The following TERB1 variants were observed in gnomAD, a reference collection of about 807,000 sequenced individuals.
The protein encoded by TERB1 is telomere repeats-binding bouquet formation protein 1.
Under a neutral mutation model 92.3 loss-of-function variants are expected in TERB1, and 63 were observed. The ratio of observed to expected loss-of-function variants is 0.68; its 90% CI spans 0.56 to 0.84. TERB1 has a LOEUF of 0.84. TERB1 is among the 40% of genes least tolerant of loss of function. The pLI is 0.00. For missense variants in TERB1, 709 were observed against 843.7 expected (o/e 0.84, Z 1.98); for synonymous variants, 252 against 283.9 (o/e 0.89, Z 1.13).
chr16:66,778,778 C>T, intron 10 of TERB1, 85 bp downstream of exon 10: 2 of 1,105,342 alleles, frequency 1.8e-6, no homozygotes, highest in East Asian at 2.8e-5. Flanking sequence ...AACCATGTTA[C>T]TATTCAATCT....
Position 66,772,660 on chromosome 16 carries a change from G to T in TERB1, c.1201C>A (p.Leu401Ile), listed in dbSNP as rs1371095674. The part of the protein sequence containing the change: ...LKDISVKENN[L>I]EEHWRKAKEI... ...TTTGCTTTCCTCCAGTGCTCTTCAAGATTATTCTCCTTCACACTTATGTCC... is the reference window on the plus strand; with the variant it reads ...TTTGCTTTCCTCCAGTGCTCTTCAATATTATTCTCCTTCACACTTATGTCC... Residue 401 changes from leucine to isoleucine, a missense_variant, in exon 13 of 19, where the codon CTT becomes ATT. Leu to Ile is a conservative substitution (Grantham distance 5). Transcript: ENST00000433154. The T allele has an allele frequency of 6.4e-7, 1 of 1,550,786 alleles. No homozygotes were observed. Among genetic ancestry groups the T allele is most frequent in the Admixed American group, 2.0e-5 (1 of 50,950 alleles).
intron 5 of TERB1, among the ~76,000 whole-genome samples, chr16:66,789,060 T>C (rs1372255517): frequency 1.4e-5 from 2 of 147,274 alleles, no homozygotes; most frequent in African/African-American, 2.5e-5. Flanking sequence ...TAAGACTTAC[T>C]ATTTGATAGC....
chr16:66,778,897 C>G lies in TERB1; in HGVS notation c.819G>C (p.Val273=), dbSNP rs1032721059. The G allele has an allele frequency of 3.3e-6, 5 of 1,524,842 alleles. No homozygotes were observed. The Admixed American group carries it at 6.0e-5, about 18-fold the overall frequency. 94.5% of individuals were successfully genotyped at this position (1,524,842 alleles called of 1,614,324 possible). ...CAATGCATGCATCCACAGTCTTCGT[C>G]ACAACCACTGCAAGTTTAGCACTGG... The part of the protein sequence containing the change: ...TLSSAKLAVV[V]TKTVDACIAD... The change falls in exon 10 of 19, where the codon GTG becomes GTC. Residue 273 remains valine (V), a synonymous_variant. Coordinates refer to ENST00000433154, the MANE Select transcript of TERB1 (RefSeq NM_001136505.2).
intron 18 of TERB1, among the ~76,000 whole-genome samples, chr16:66,756,420 C>T (rs2018140158): frequency 2.0e-5 from 3 of 152,198 alleles, no homozygotes; most frequent in African/African-American, 7.2e-5. Flanking sequence ...CAATTTTGAT[C>T]TATTTTATTC....
chr16:66,790,212 G>C (rs1431884574), intron 5 of TERB1, among the ~76,000 whole-genome samples: 2 of 141,168 alleles, frequency 1.4e-5, no homozygotes, highest in African/African-American at 5.2e-5. Flanking sequence ...AGATGAAAGA[G>C]AAAGGAAAAG....
In TERB1 at chr16:66,768,146, C is replaced by T. The variant is rs1016681397; in HGVS notation, c.1642G>A (p.Val548Ile). 1.3e-6 allele frequency: 2 copies of T among 1,550,404 alleles called. No individual in the cohort carries two copies. The highest frequency in any genetic ancestry group is 1.7e-6 in the Non-Finnish European group (2 of 1,146,100). Reference protein sequence around the residue: ...QSSDHVFKHPVHIAKNIKQQL... With the variant: ...QSSDHVFKHPIHIAKNIKQQL... ...TGCTTTATATTTTTGGCAATGTGAA[C>T]TGGGTGTTTAAAAACATGGTCACTA... is the stretch of plus-strand genomic sequence containing the variant. Residue 548 changes from valine (V) to isoleucine (I), a missense_variant, in exon 15 of 19, where the codon GTT (valine) becomes ATT (isoleucine). Coordinates refer to ENST00000433154, the MANE Select transcript of TERB1 (RefSeq NM_001136505.2).
chr16:66,773,353 T>TA (rs1491489180), intron 12 of TERB1, among the ~76,000 whole-genome samples: 2 of 151,456 alleles, frequency 1.3e-5, no homozygotes, highest in African/African-American at 4.9e-5. Context: ...GTAGTTTTTT[T>TA]AAAAAAATAA....
At chr16:66,758,953 T>G in intron 17 of TERB1, 115 bp from the exon 18 acceptor site, 1 of 944,910 alleles carries the variant, frequency 1.1e-6, no homozygotes, top group Non-Finnish European at 1.6e-6. Flanking sequence ...CTTAGATAGA[T>G]TAGGAAGAAT....
At chr16:66,764,837 G>A (rs1169584832) in intron 16 of TERB1, among the ~76,000 whole-genome samples, 1 of 152,202 alleles carries the variant, frequency 6.6e-6, no homozygotes, top group East Asian at 1.9e-4. Flanking sequence ...TGTGGATGTT[G>A]TGTTTAGGAT....
intron 3 of TERB1, among the ~76,000 whole-genome samples, chr16:66,792,872 AG>A (rs1488731878): frequency 6.6e-6 from 1 of 152,126 alleles, no homozygotes; most frequent in Non-Finnish European, 1.5e-5. Flanking sequence ...ATTTTTTTTT[AG>A]AAGATATATC....
At chr16:66,771,241 A>G (rs937506809) in intron 13 of TERB1, among the ~76,000 whole-genome samples, 2 of 152,198 alleles carry the variant, frequency 1.3e-5, no homozygotes, top group Non-Finnish European at 2.9e-5. Flanking sequence ...AGATAAATAA[A>G]TATTAAAGCT....
At chr16:66,776,341 A>G (rs933856966) in intron 11 of TERB1, among the ~76,000 whole-genome samples, 1 of 151,874 alleles carries the variant, frequency 6.6e-6, no homozygotes, top group Non-Finnish European at 1.5e-5. Flanking sequence ...AAAAAAAAAA[A>G]AAAGAAAGAA....
At chr16:66,762,320 T>G (rs2018265546) in intron 16 of TERB1, among the ~76,000 whole-genome samples, 1 of 152,232 alleles carries the variant, frequency 6.6e-6, no homozygotes, top group Non-Finnish European at 1.5e-5. Context: ...GGAATTTACA[T>G]TAAAGTATCA....
At position 66,770,271 on chromosome 16, in the gene TERB1, T is replaced by C. The variant is rs1475008913; in HGVS notation, c.1311A>G (p.Ser437=). 1.9e-6 allele frequency: 3 copies of C among 1,550,340 alleles called. No homozygotes were observed. The highest frequency in any genetic ancestry group is 1.7e-6 in the Non-Finnish European group (2 of 1,146,166). ...IQRENYQDNI[S]SMNISIQNTW... ...TATTCTGAATACTTATGTTCATAGA[T>C]GAAATATTATCCTGATAGTTTTCTC... The change falls in exon 14 of 19, where the codon TCA becomes TCG. Residue 437 remains serine (S), a synonymous_variant. Coordinates refer to ENST00000433154, the MANE Select transcript of TERB1 (RefSeq NM_001136505.2).
At chr16:66,776,154 ACCCCGT>A (rs988148531) in intron 11 of TERB1, among the ~76,000 whole-genome samples, 3 of 151,588 alleles carry the variant, frequency 2.0e-5, no homozygotes, top group African/African-American at 7.3e-5. Context: ...ACAAGGAGAA[ACCCCGT>A]CTCTACTAAA....
At chr16:66,784,049 C>T (rs1315692738) in intron 9 of TERB1, among the ~76,000 whole-genome samples, 1 of 152,162 alleles carries the variant, frequency 6.6e-6, no homozygotes, top group Non-Finnish European at 1.5e-5. Flanking sequence ...TGACATAAAG[C>T]TGTTTCTACT....
At chr16:66,793,211 G>GTTTTTTTTTTTT (rs1174263983) in intron 3 of TERB1, among the ~76,000 whole-genome samples, 4 of 93,542 alleles carry the variant, frequency 4.3e-5, no homozygotes, top group African/African-American at 1.5e-4. Flanking sequence ...TTGTGGTTTG[G>GTTTTTTTTTTTT]TTTTTTTTTT....
At chr16:66,800,569 A>G (rs1230377561) in intron 2 of TERB1, among the ~76,000 whole-genome samples, 1 of 151,402 alleles carries the variant, frequency 6.6e-6, no homozygotes, top group Non-Finnish European at 1.5e-5. Context: ...AGCTTTTTGA[A>G]ATCGAAATAT....
Position 66,794,914 on chromosome 16 carries a change from A to C in TERB1, c.31+1854T>G, listed in dbSNP as rs1162816066. Reference sequence around the variant, plus strand: ...GACAGAGTGAGACTCCGTCTCAAAAAAAAAAAAAACACACACACACACACA... The same window carrying C: ...GACAGAGTGAGACTCCGTCTCAAAACAAAAAAAAACACACACACACACACA... On this transcript the variant is annotated intron_variant, in intron 3 of 18. Transcript: ENST00000433154. Among the ~76,000 whole-genome samples the C allele has an allele frequency of 8.9e-4, 74 of 82,868 alleles. 1 individual carries two copies. The highest frequency in any genetic ancestry group is 1.9e-3 in the African/African-American group (64 of 33,556). The allele number at this position is 82,868 out of a possible 152,430, so 54.4% of individuals were successfully genotyped here.
Sources: allele counts gnomAD v4.1 joint callset (sites outside exome capture counted in the v4.1 genomes callset), GRCh38; gene constraint gnomAD v4.1.1; transcripts MANE v1.5; gene names NCBI Gene and HGNC (gene_info 2026-07-23, HGNC 2026-07-21).